MECOM: variants seen among roughly 807,000 people sequenced by gnomAD.
The protein encoded by MECOM is MDS1 and EVI1 complex locus, also known as histone-lysine N-methyltransferase MECOM.
Under a neutral mutation model 116.3 loss-of-function variants are expected in MECOM, and 13 were observed. The observed-to-expected ratio is 0.11, with a 90% confidence interval of 0.07 to 0.18. MECOM has a LOEUF of 0.18. MECOM is among the 10% of genes least tolerant of loss of function. The probability of loss-of-function intolerance (pLI) is 1.00; values close to 1 mark genes in which losing one functional copy is unlikely to be tolerated. For missense variants in MECOM, 1,299 were observed against 1,509.0 expected, an observed-to-expected ratio of 0.86 and a Z score of 2.31; for synonymous variants, 528 against 535.2, an observed-to-expected ratio of 0.99 and a Z score of 0.19.
At chr3:169,460,171 A>G (rs1295429805) in intron 1 of MECOM, among the ~76,000 whole-genome samples, 1 of 152,160 alleles carries the variant, frequency 6.6e-6, no homozygotes, top group East Asian at 1.9e-4. Flanking sequence ...CCCTCCATGA[A>G]CTGAATCCAA....
intron 11 of MECOM, 70 bp from the exon 12 acceptor site, chr3:169,101,032 G>T: frequency 9.7e-7 from 1 of 1,035,076 alleles, no homozygotes; most frequent in Non-Finnish European, 1.5e-6. Context: ...CCACACAGCA[G>T]CCAGATGCTT....
chr3:169,516,826 C>T (rs1176149957), intron 1 of MECOM, among the ~76,000 whole-genome samples: 2 of 152,160 alleles, frequency 1.3e-5, no homozygotes, highest in African/African-American at 4.8e-5. Context: ...GGCAGACCCA[C>T]AGAGGAAAAC....
chr3:169,085,048 G>C lies in MECOM; in HGVS notation c.3586-5C>G. The C allele has an allele frequency of 6.2e-7, 1 of 1,613,606 alleles. No individual in the cohort carries two copies. Among genetic ancestry groups the C allele is most frequent in the Non-Finnish European group, 8.5e-7 (1 of 1,179,790 alleles). ...TGACAGCATCATAGCATATGCCTGG[G>C]GTAAAAAGGAGAGAGACTCAGTAAA... On this transcript the variant is annotated splice_region_variant and splice_polypyrimidine_tract_variant and intron_variant, in intron 16 of 16. Coordinates refer to ENST00000651503, the MANE Select transcript of MECOM (RefSeq NM_004991.4).
chr3:169,092,221 T>G (rs759717079), intron 14 of MECOM, among the ~76,000 whole-genome samples: 4 of 151,966 alleles, frequency 2.6e-5, no homozygotes, highest in Non-Finnish European at 5.9e-5. Context: ...AGCCAGTGCA[T>G]CAGGGCAGTA....
At chr3:169,589,746 T>A (rs1173873932) in intron 1 of MECOM, among the ~76,000 whole-genome samples, 2 of 152,168 alleles carry the variant, frequency 1.3e-5, no homozygotes, top group Non-Finnish European at 2.9e-5. Flanking sequence ...CTCATCTTCA[T>A]CGCCACACTG....
intron 2 of MECOM, among the ~76,000 whole-genome samples, chr3:169,371,875 T>C (rs1458899629): frequency 6.6e-6 from 1 of 152,020 alleles, no homozygotes; most frequent in Non-Finnish European, 1.5e-5. Context: ...TTAGTTAACA[T>C]AGATTGCCTG....
chr3:169,663,263 G>C, intron 1 of MECOM, 73 bp downstream of exon 1: 1 of 1,535,696 alleles, frequency 6.5e-7, no homozygotes, highest in Non-Finnish European at 8.8e-7. Flanking sequence ...GCTCCCTCCC[G>C]GAGCGCTAGA....
intron 1 of MECOM, among the ~76,000 whole-genome samples, chr3:169,398,337 A>G (rs1368578011): frequency 6.6e-6 from 1 of 152,188 alleles, no homozygotes; most frequent in African/African-American, 2.4e-5. Flanking sequence ...AATAATATAA[A>G]TAGAAAAATG....
intron 1 of MECOM, among the ~76,000 whole-genome samples, chr3:169,439,062 A>G (rs939345077): frequency 6.7e-6 from 1 of 149,736 alleles, no homozygotes; most frequent in East Asian, 1.9e-4. Flanking sequence ...GCTAGGAAAG[A>G]TATTTAAAAA....
intron 1 of MECOM, among the ~76,000 whole-genome samples, chr3:169,518,519 C>G (rs1405658022): frequency 1.3e-5 from 2 of 152,132 alleles, no homozygotes; most frequent in Non-Finnish European, 2.9e-5. Context: ...CCAATGGCAA[C>G]CCAGCTCCCA....
chr3:169,200,854 A>G (rs1749053701), intron 2 of MECOM, among the ~76,000 whole-genome samples: 1 of 152,074 alleles, frequency 6.6e-6, no homozygotes, highest in Non-Finnish European at 1.5e-5. Flanking sequence ...CTGATGTGCC[A>G]GGCTTGTTGC....
intron 12 of MECOM, among the ~76,000 whole-genome samples, chr3:169,097,661 G>C (rs957613199): frequency 6.6e-6 from 1 of 151,722 alleles, no homozygotes; most frequent in Non-Finnish European, 1.5e-5. Context: ...CAAGGACACA[G>C]AGATGAGTAA....
At chr3:169,354,627 A>G (rs1314252064) in intron 2 of MECOM, among the ~76,000 whole-genome samples, 1 of 151,944 alleles carries the variant, frequency 6.6e-6, no homozygotes, top group East Asian at 1.9e-4. Context: ...AATGTGTGCA[A>G]AGTTTAAAAG....
intron 1 of MECOM, chr3:169,484,037 A>G: frequency 2.2e-6 from 3 of 1,379,264 alleles, no homozygotes; most frequent in Admixed American, 1.7e-5. Context: ...ATTGTTTTAT[A>G]TAACTAATGG....
At chr3:169,214,828 C>G in intron 2 of MECOM, among the ~76,000 whole-genome samples, 1 of 147,736 alleles carries the variant, frequency 6.8e-6, no homozygotes, top group East Asian at 1.9e-4. Context: ...TGTCTAGTAT[C>G]TATTTTATAT....
chr3:169,559,769 C>A (rs1305654224), intron 1 of MECOM, among the ~76,000 whole-genome samples: 2 of 152,146 alleles, frequency 1.3e-5, no homozygotes, highest in Non-Finnish European at 1.5e-5. Context: ...CAGGGCGATA[C>A]TACAGATATA....
intron 1 of MECOM, among the ~76,000 whole-genome samples, chr3:169,425,296 T>C (rs1740469187): frequency 2.6e-5 from 4 of 152,164 alleles, no homozygotes; most frequent in Non-Finnish European, 5.9e-5. Flanking sequence ...TCCATGCTCT[T>C]TGCACGAGAA....
intron 1 of MECOM, among the ~76,000 whole-genome samples, chr3:169,437,407 AC>A (rs1437404549): frequency 6.6e-6 from 1 of 152,200 alleles, no homozygotes; most frequent in African/African-American, 2.4e-5. Flanking sequence ...TCAAATATTA[AC>A]TTTTTTGCAA....
chr3:169,211,937 T>C (rs1186030926), intron 2 of MECOM, among the ~76,000 whole-genome samples: 1 of 152,088 alleles, frequency 6.6e-6, no homozygotes, highest in Non-Finnish European at 1.5e-5. Context: ...CAACACACTC[T>C]TTTCTCAGTT....
Sources: allele counts gnomAD v4.1 joint callset (sites outside exome capture counted in the v4.1 genomes callset), GRCh38; gene constraint gnomAD v4.1.1; transcripts MANE v1.5; gene names NCBI Gene and HGNC (gene_info 2026-07-23, HGNC 2026-07-21).